MYO1B: variants seen among roughly 807,000 people sequenced by gnomAD.
The protein encoded by MYO1B is myosin IB.
In MYO1B, 72 loss-of-function variants were observed where a neutral mutation model predicts 159.7. The observed-to-expected ratio is 0.45, with a 90% CI of 0.37 to 0.55. The LOEUF (loss-of-function observed/expected upper bound fraction) is 0.55, where lower values mean the gene tolerates loss of function less well. MYO1B is among the 20% of genes least tolerant of loss of function. The probability of loss-of-function intolerance (pLI) is 0.00; values close to 1 mark genes in which losing one functional copy is unlikely to be tolerated. For missense variants in MYO1B, 1,062 were observed against 1,364.8 expected, an observed-to-expected ratio of 0.78 and a Z score of 3.50; for synonymous variants, 468 against 473.8, an observed-to-expected ratio of 0.99 and a Z score of 0.16.
chr2:191,257,795 T>G (rs941282917), intron 1 of MYO1B, among the ~76,000 whole-genome samples: 1 of 152,182 alleles, frequency 6.6e-6, no homozygotes, highest in Admixed American at 6.5e-5. Flanking sequence ...CACAATTGAG[T>G]GTAAAATCTA....
chr2:191,313,776 C>G lies in MYO1B; in HGVS notation c.252-16159C>G, dbSNP rs181817030. On this transcript the variant is annotated intron_variant, in intron 3 of 30. Transcript: ENST00000392318. ...TCAGGTGATACACCAGCCTCAGCCT[C>G]CCAAAGTGCTGAGATTACAGATGTG... 5.4e-3 allele frequency among the ~76,000 whole-genome samples: 824 copies of G among 152,268 alleles called. 3 individuals carry two copies. Among genetic ancestry groups the G allele is most frequent in the Non-Finnish European group, 9.3e-3 (632 of 68,022 alleles).
chr2:191,361,081 C>G (rs907230958), intron 8 of MYO1B, among the ~76,000 whole-genome samples: 4 of 152,076 alleles, frequency 2.6e-5, no homozygotes, highest in African/African-American at 9.7e-5. Context: ...TATTCTTGTA[C>G]CTCACCAGAT....
intron 3 of MYO1B, among the ~76,000 whole-genome samples, chr2:191,304,123 T>C (rs1468530373): frequency 6.6e-6 from 1 of 152,204 alleles, no homozygotes; most frequent in African/African-American, 2.4e-5. Context: ...GCTCTGCTGT[T>C]GACTTGAAGC....
At chr2:191,297,392 T>G (rs115460256) in intron 3 of MYO1B, among the ~76,000 whole-genome samples, 1,540 of 152,292 alleles carry the variant, frequency 0.01, 12 homozygotes, top group Non-Finnish European at 0.016. Context: ...GAATGCAGAT[T>G]TAGAATATTT....
intron 2 of MYO1B, among the ~76,000 whole-genome samples, chr2:191,283,948 A>C (rs146887749): frequency 2.6e-4 from 39 of 152,378 alleles, no homozygotes; most frequent in African/African-American, 9.1e-4. Context: ...GACATGAACC[A>C]GCGTGACATA....
At chr2:191,287,002 A>G (rs1355822201) in intron 2 of MYO1B, among the ~76,000 whole-genome samples, 2 of 152,226 alleles carry the variant, frequency 1.3e-5, no homozygotes, top group African/African-American at 2.4e-5. Context: ...GGACTCATTA[A>G]TGAATTTAGC....
chr2:191,350,664 A>G (rs1261358122), intron 7 of MYO1B, among the ~76,000 whole-genome samples: 1 of 152,130 alleles, frequency 6.6e-6, no homozygotes, highest in Non-Finnish European at 1.5e-5. Flanking sequence ...CCTGTACTTC[A>G]GTCTTATTTT....
At chr2:191,400,571 A>G (rs945215683) in intron 22 of MYO1B, 103 bp downstream of exon 22, 1 of 1,409,578 alleles carries the variant, frequency 7.1e-7, no homozygotes, top group Non-Finnish European at 1.0e-6. Context: ...GGCTTGAGCT[A>G]CTGAGCACGT....
rs71030338 is a variant in MYO1B, at chr2:191,383,515, T to TAC, written c.1353+205_1353+206dup. Among the ~76,000 whole-genome samples the TAC allele has an allele frequency of 4.8e-3, 593 of 122,678 alleles. 4 individuals carry two copies. Among genetic ancestry groups the TAC allele is most frequent in the African/African-American group, 0.019 (566 of 29,512 alleles). The allele number at this position is 122,678 out of a possible 152,430, so 80.5% of individuals were successfully genotyped here. A position where few individuals can be genotyped will look rare whatever the true frequency, so the allele number is the denominator to read the frequency against. Reference sequence around the variant, plus strand: ...ATGTGTATATATATATATATACACGTACACACACACACACACACACACACA... The same window carrying TAC: ...ATGTGTATATATATATATATACACGTACACACACACACACACACACACACACA... On this transcript the variant is annotated intron_variant, in intron 15 of 30. Transcript: ENST00000392318.
At chr2:191,256,134 A>G (rs958014443) in intron 1 of MYO1B, among the ~76,000 whole-genome samples, 1 of 152,228 alleles carries the variant, frequency 6.6e-6, no homozygotes, top group Non-Finnish European at 1.5e-5. Flanking sequence ...GCTCTGGGGC[A>G]GGCATGACTG....
chr2:191,397,096 G>A (rs555407196), intron 21 of MYO1B, among the ~76,000 whole-genome samples: 7 of 54,728 alleles, frequency 1.3e-4, no homozygotes, highest in African/African-American at 2.0e-4. Flanking sequence ...ATTTTTAACC[G>A]TTGTTTTTAA....
chr2:191,293,786 A>G (rs1004429323), intron 2 of MYO1B, among the ~76,000 whole-genome samples: 2 of 152,116 alleles, frequency 1.3e-5, no homozygotes, highest in African/African-American at 2.4e-5. Flanking sequence ...GTGATGTAGA[A>G]TGCATAATCA....
At chr2:191,262,277 C>T (rs1013638710) in intron 1 of MYO1B, among the ~76,000 whole-genome samples, 9 of 152,112 alleles carry the variant, frequency 5.9e-5, no homozygotes, top group African/African-American at 1.9e-4. Context: ...ATTTTAGTCA[C>T]CTTATTCTGC....
At chr2:191,354,251 G>A (rs539488716) in intron 7 of MYO1B, among the ~76,000 whole-genome samples, 34 of 130,674 alleles carry the variant, frequency 2.6e-4, no homozygotes, top group Non-Finnish European at 4.2e-4. Context: ...GCAAGACTCC[G>A]TCTTAAATAA....
chr2:191,362,152 T>C, intron 8 of MYO1B, 116 bp from the exon 9 acceptor site: 1 of 706,438 alleles, frequency 1.4e-6, no homozygotes, highest in East Asian at 2.8e-5. Context: ...GTTCTTTTGA[T>C]TCAATACTTA....
chr2:191,346,489 A>T (rs1692575826), intron 6 of MYO1B, among the ~76,000 whole-genome samples: 1 of 152,132 alleles, frequency 6.6e-6, no homozygotes, highest in South Asian at 2.1e-4. Context: ...AATTTTTATC[A>T]TGTTTTCTTG....
chr2:191,362,665 G>A (rs1324839154), intron 9 of MYO1B, among the ~76,000 whole-genome samples: 10 of 152,106 alleles, frequency 6.6e-5, no homozygotes, highest in Non-Finnish European at 1.5e-4. Context: ...AATTCCAAGT[G>A]TTTTTATGGC....
At chr2:191,398,531 G>T (rs1696350791) in intron 21 of MYO1B, among the ~76,000 whole-genome samples, 1 of 150,702 alleles carries the variant, frequency 6.6e-6, no homozygotes, top group South Asian at 2.1e-4. Context: ...GCCAGGCAGA[G>T]GGTTTCCTCA....
At chr2:191,394,805 A>C (rs1695966582) in intron 20 of MYO1B, among the ~76,000 whole-genome samples, 2 of 152,256 alleles carry the variant, frequency 1.3e-5, no homozygotes, top group Admixed American at 6.5e-5. Context: ...GATTTTAAAA[A>C]GTCACGATTT....
Sources: allele counts gnomAD v4.1 joint callset (sites outside exome capture counted in the v4.1 genomes callset), GRCh38; gene constraint gnomAD v4.1.1; transcripts MANE v1.5; gene names NCBI Gene and HGNC (gene_info 2026-07-23, HGNC 2026-07-21).